CNNM2: variants seen among roughly 807,000 people sequenced by gnomAD.
The protein encoded by CNNM2 is cyclin and CBS domain divalent metal cation transport mediator 2, also known as metal transporter CNNM2.
In CNNM2, 12 loss-of-function variants were observed where a neutral mutation model predicts 66.9. The observed-to-expected ratio is 0.18, with a 90% confidence interval of 0.11 to 0.29. The LOEUF (loss-of-function observed/expected upper bound fraction) is 0.29. Among genes scored for constraint, CNNM2 ranks in the 10% least tolerant of loss-of-function variants. The pLI, the probability that CNNM2 is intolerant of heterozygous loss-of-function variation, is 1.00. For synonymous variants in CNNM2, 557 were observed against 501.8 expected (o/e 1.11, Z -1.47); for missense variants, 705 against 1,167.7 (o/e 0.60, Z 5.77).
intron 1 of CNNM2, among the ~76,000 whole-genome samples, chr10:102,975,429 C>T (rs1285496565): frequency 5.2e-5 from 7 of 135,632 alleles, no homozygotes; most frequent in African/African-American, 2.0e-4. Flanking sequence ...TGAATTTGCT[C>T]TAGCAAGTTT....
chr10:103,010,089 G>A (rs1356465005), intron 1 of CNNM2, among the ~76,000 whole-genome samples: 1 of 151,996 alleles, frequency 6.6e-6, no homozygotes, highest in Non-Finnish European at 1.5e-5. Flanking sequence ...AAAAGAAGTT[G>A]GAACAAGTTG....
rs1379063216 is a variant in CNNM2 at position 103,087,936 on chromosome 10, A to AATT, written c.*10757_*10759dup. The AATT allele has an allele frequency of 1.3e-5, 2 of 152,236 alleles. No individual in the cohort carries two copies. Among genetic ancestry groups the AATT allele is most frequent in the Non-Finnish European group, 2.9e-5 (2 of 68,038 alleles). 9.4% of individuals were successfully genotyped at this position (152,236 alleles called of 1,614,324 possible). On this transcript the variant is annotated 3_prime_UTR_variant, in exon 8 of 8. Coordinates refer to ENST00000369878, the MANE Select transcript of CNNM2 (RefSeq NM_017649.5). ...AGGCTGTGTTCTCTGCTTATAAAAT[A>AATT]ATTTTTTAAAAAGCCTCACTTCACA...
At chr10:102,979,612 T>C (rs2063688996) in intron 1 of CNNM2, among the ~76,000 whole-genome samples, 1 of 152,182 alleles carries the variant, frequency 6.6e-6, no homozygotes. Context: ...AGGGACTTTG[T>C]TTTTTTGTTA....
intron 4 of CNNM2, among the ~76,000 whole-genome samples, chr10:103,067,823 T>A (rs2065506696): frequency 6.6e-6 from 1 of 152,172 alleles, no homozygotes; most frequent in African/African-American, 2.4e-5. Flanking sequence ...AGAGGGGAAC[T>A]TTATTTTAAT....
intron 6 of CNNM2, 66 bp downstream of exon 6, chr10:103,071,905 C>CGTGA: frequency 7.2e-7 from 1 of 1,386,848 alleles, no homozygotes; most frequent in Non-Finnish European, 1.0e-6. Flanking sequence ...TCACGCCTGG[C>CGTGA]TGGCTGGGTC....
rs2065817096 is a variant in CNNM2, at chr10:103,086,723, T to G, written c.*9543T>G. 6.6e-6 allele frequency: 1 copy of G among 152,186 alleles called. No individual in the cohort carries two copies. Among genetic ancestry groups the G allele is most frequent in the African/African-American group, 2.4e-5 (1 of 41,448 alleles). The allele number at this position is 152,186 out of a possible 1,614,324, so 9.4% of individuals were successfully genotyped here. A position where few individuals can be genotyped will look rare whatever the true frequency, so the allele number is the denominator to read the frequency against. On this transcript the variant is annotated 3_prime_UTR_variant, in exon 8 of 8. Coordinates refer to ENST00000369878, the MANE Select transcript of CNNM2 (RefSeq NM_017649.5). ...TTAAAAACGACTTCTAAAAGTATCTTAGGGTAGCTTGAAGGGTTTGCGTTA... is the reference window on the plus strand; with the variant it reads ...TTAAAAACGACTTCTAAAAGTATCTGAGGGTAGCTTGAAGGGTTTGCGTTA...
chr10:103,019,193 A>G (rs909995778), intron 1 of CNNM2, among the ~76,000 whole-genome samples: 1 of 151,224 alleles, frequency 6.6e-6, no homozygotes, highest in Admixed American at 6.6e-5. Flanking sequence ...CACCTGAGCC[A>G]GGGAGGTTGA....
At chr10:102,934,188 T>C (rs1350354616) in intron 1 of CNNM2, among the ~76,000 whole-genome samples, 1 of 151,246 alleles carries the variant, frequency 6.6e-6, no homozygotes, top group Non-Finnish European at 1.5e-5. Context: ...AAAGAAGAAA[T>C]AGGTTGTATA....
intron 1 of CNNM2, among the ~76,000 whole-genome samples, chr10:102,923,979 T>A (rs1845753400): frequency 6.6e-6 from 1 of 152,246 alleles, no homozygotes; most frequent in Admixed American, 6.5e-5. Context: ...TTTGAATCTA[T>A]CTGTATAACT....
Position 103,086,857 on chromosome 10 carries a change from A to G in CNNM2, c.*9677A>G, listed in dbSNP as rs1428229473. ...ACCAACTTTTCTGAAGTACACCATC[A>G]GAGTTTTCACTGACTATCTATCTTT... On this transcript the variant is annotated 3_prime_UTR_variant, in exon 8 of 8. Transcript: ENST00000369878. 6.6e-6 allele frequency: 1 copy of G among 152,206 alleles called. No individual in the cohort carries two copies. The highest frequency in any genetic ancestry group is 2.4e-5 in the African/African-American group (1 of 41,448). The allele number at this position is 152,206 out of a possible 1,614,324, so 9.4% of individuals were successfully genotyped here.
chr10:102,923,692 C>T (rs140703535), intron 1 of CNNM2, among the ~76,000 whole-genome samples: 111 of 152,050 alleles, frequency 7.3e-4, no homozygotes, highest in African/African-American at 2.5e-3. Context: ...CCTTTTTTGC[C>T]ATTAAAACAG....
chr10:102,974,620 G>A (rs2063595524), intron 1 of CNNM2, among the ~76,000 whole-genome samples: 1 of 151,954 alleles, frequency 6.6e-6, no homozygotes, highest in African/African-American at 2.4e-5. Context: ...AGCCCAGGCT[G>A]GAGTGCAGTG....
At chr10:103,046,889 A>T (rs1438994674) in intron 1 of CNNM2, among the ~76,000 whole-genome samples, 1 of 152,224 alleles carries the variant, frequency 6.6e-6, no homozygotes, top group African/African-American at 2.4e-5. Flanking sequence ...CTCCATACAT[A>T]GTAATTTATT....
Position 103,090,002 on chromosome 10 carries a change from A to G in CNNM2, c.*12822A>G. 1.1e-6 allele frequency: 1 copy of G among 916,646 alleles called. No individual in the cohort carries two copies. Among genetic ancestry groups the G allele is most frequent in the South Asian group, 1.8e-5 (1 of 56,194 alleles). 56.8% of individuals were successfully genotyped at this position (916,646 alleles called of 1,614,324 possible). ...CCTCTCCTCTGTTAGGTGGCCATGC[A>G]ATTACATCTATAATGGACCACAGGA... On this transcript the variant is annotated 3_prime_UTR_variant, in exon 8 of 8. Transcript: ENST00000369878.
intron 1 of CNNM2, among the ~76,000 whole-genome samples, chr10:103,015,957 T>G (rs769505002): frequency 1.3e-5 from 2 of 152,170 alleles, no homozygotes; most frequent in Non-Finnish European, 2.9e-5. Context: ...CTGGCTGGAT[T>G]TTAATCTCTA....
chr10:102,999,453 ATACT>A (rs2064072543), intron 1 of CNNM2, among the ~76,000 whole-genome samples: 1 of 152,136 alleles, frequency 6.6e-6, no homozygotes, highest in African/African-American at 2.4e-5. Flanking sequence ...TTACAATAAA[ATACT>A]TAGGAATAAT....
At chr10:102,926,712 ATTTTTTTT>A (rs376861078) in intron 1 of CNNM2, among the ~76,000 whole-genome samples, 3 of 113,804 alleles carry the variant, frequency 2.6e-5, no homozygotes, top group African/African-American at 3.5e-5. Context: ...CACCCAGCTA[ATTTTTTTT>A]TTTTTTTTTT....
In CNNM2 at chr10:103,089,414, T is replaced by C. The variant is rs559571968; in HGVS notation, c.*12234T>C. The C allele has an allele frequency of 1.0e-5, 4 of 392,676 alleles. No individual in the cohort carries two copies. The South Asian group carries it at 2.1e-4, about 21-fold the overall frequency. 24.3% of individuals were successfully genotyped at this position (392,676 alleles called of 1,614,324 possible). A position where few individuals can be genotyped will look rare whatever the true frequency, so the allele number is the denominator to read the frequency against. ...TGTCACAAGCCACAGTGGAGCCATATACATGCAGTTCAGCCTGATTTTACC... is the reference window on the plus strand; with the variant it reads ...TGTCACAAGCCACAGTGGAGCCATACACATGCAGTTCAGCCTGATTTTACC... On this transcript the variant is annotated 3_prime_UTR_variant, in exon 8 of 8. Coordinates refer to ENST00000369878, the MANE Select transcript of CNNM2 (RefSeq NM_017649.5).
chr10:103,013,874 A>C (rs2064391823), intron 1 of CNNM2, among the ~76,000 whole-genome samples: 1 of 152,194 alleles, frequency 6.6e-6, no homozygotes, highest in South Asian at 2.1e-4. Context: ...TATTGGAGGG[A>C]CAGCTCAAAT....
Sources: allele counts gnomAD v4.1 joint callset (sites outside exome capture counted in the v4.1 genomes callset), GRCh38; gene constraint gnomAD v4.1.1; transcripts MANE v1.5; gene names NCBI Gene and HGNC (gene_info 2026-07-23, HGNC 2026-07-21).